The following NRG1 variants were observed in gnomAD, a reference collection of about 807,000 sequenced individuals.
NRG1 encodes the protein neuregulin 1, also known as pro-neuregulin-1, membrane-bound isoform.
NRG1 carries 18 observed loss-of-function variants against 63.8 expected under a neutral mutation model. The ratio of observed to expected loss-of-function variants is 0.28; its 90% CI spans 0.19 to 0.42. NRG1 has a LOEUF of 0.42. Among genes scored for constraint, NRG1 ranks in the 10% least tolerant of loss-of-function variants. The probability of loss-of-function intolerance (pLI) is 1.00; values close to 1 mark genes in which losing one functional copy is unlikely to be tolerated. For missense variants in NRG1, 762 were observed against 814.7 expected, an observed-to-expected ratio of 0.94 and a Z score of 0.79; for synonymous variants, 302 against 301.3, an observed-to-expected ratio of 1.00 and a Z score of -0.02.
chr8:31,668,408 A>C (rs1397837366), intron 1 of NRG1, among the ~76,000 whole-genome samples: 1 of 152,202 alleles, frequency 6.6e-6, no homozygotes, highest in Non-Finnish European at 1.5e-5. Context: ...ATGTTTTTCC[A>C]GGATGGGTAG....
chr8:31,909,384 G>A (rs1832766550), intron 1 of NRG1, among the ~76,000 whole-genome samples: 1 of 152,064 alleles, frequency 6.6e-6, no homozygotes, highest in African/African-American at 2.4e-5. Flanking sequence ...GTAGGCAGCA[G>A]AGGTCTTGAC....
intron 1 of NRG1, among the ~76,000 whole-genome samples, chr8:32,225,211 A>G (rs1238357727): frequency 6.6e-6 from 1 of 152,196 alleles, no homozygotes; most frequent in Admixed American, 6.5e-5. Flanking sequence ...GCTTGGCCAA[A>G]TAGTCCTCTA....
At chr8:32,349,633 C>G (rs745904309) in intron 1 of NRG1, among the ~76,000 whole-genome samples, 4 of 152,172 alleles carry the variant, frequency 2.6e-5, no homozygotes, top group Non-Finnish European at 5.9e-5. Context: ...TCCCATATGA[C>G]AGGATGACTT....
At chr8:31,874,943 G>T (rs1334523998) in intron 1 of NRG1, among the ~76,000 whole-genome samples, 1 of 152,164 alleles carries the variant, frequency 6.6e-6, no homozygotes, top group Admixed American at 6.6e-5. Context: ...TGCCCTTCTA[G>T]ATCAGTATCA....
chr8:31,978,621 A>G (rs1049370897), intron 1 of NRG1, among the ~76,000 whole-genome samples: 1 of 152,140 alleles, frequency 6.6e-6, no homozygotes, highest in Non-Finnish European at 1.5e-5. Context: ...GTGATGTTTA[A>G]TATCCTACAA....
intron 3 of NRG1, among the ~76,000 whole-genome samples, chr8:32,608,094 T>G (rs1308698559): frequency 5.5e-5 from 6 of 109,716 alleles, no homozygotes; most frequent in African/African-American, 3.5e-4. Context: ...TTTTTTTTGT[T>G]TTTTTTTTTT....
At chr8:31,920,387 C>A (rs1417765208) in intron 1 of NRG1, among the ~76,000 whole-genome samples, 1 of 152,122 alleles carries the variant, frequency 6.6e-6, no homozygotes, top group Non-Finnish European at 1.5e-5. Context: ...AATATACTGG[C>A]AGATACTTAG....
intron 1 of NRG1, among the ~76,000 whole-genome samples, chr8:32,336,123 A>G (rs534521395): frequency 6.6e-6 from 1 of 152,348 alleles, no homozygotes; most frequent in East Asian, 1.9e-4. Flanking sequence ...ACTTCACACA[A>G]CAAGCCTATG....
intron 1 of NRG1, among the ~76,000 whole-genome samples, chr8:31,716,420 G>T (rs571406911): frequency 1.3e-5 from 2 of 152,124 alleles, no homozygotes; most frequent in Non-Finnish European, 2.9e-5. Context: ...CTTCAGAAGC[G>T]CATCTTTGTG....
intron 5 of NRG1, among the ~76,000 whole-genome samples, chr8:32,659,371 C>T (rs762999725): frequency 2.6e-5 from 4 of 152,142 alleles, no homozygotes; most frequent in Admixed American, 1.3e-4. Flanking sequence ...TGGCCTTGAA[C>T]TCCTGATCTC....
rs118188842 is a variant in NRG1, at chr8:31,688,624, A to G, written c.37+49193A>G. ...AAAAACCAGTTTGCCGACTATACAC[A>G]TATATACACTATGATTATATTTTTA... is the stretch of plus-strand genomic sequence containing the variant. On this transcript the variant is annotated intron_variant, in intron 1 of 10. Coordinates refer to the NRG1 transcript ENST00000519301. Among the ~76,000 whole-genome samples the G allele has an allele frequency of 9.5e-3, 1,451 of 152,346 alleles. 45 individuals carry two copies. In the South Asian group the frequency reaches 0.12, roughly 12 times the overall value.
intron 1 of NRG1, among the ~76,000 whole-genome samples, chr8:31,670,063 A>C (rs1282569269): frequency 6.6e-6 from 1 of 152,168 alleles, no homozygotes; most frequent in Non-Finnish European, 1.5e-5. Flanking sequence ...TCAGTTGTAG[A>C]CTTAGAGAAA....
At chr8:31,841,236 T>TG (rs1380455135) in intron 1 of NRG1, among the ~76,000 whole-genome samples, 1 of 119,798 alleles carries the variant, frequency 8.3e-6, no homozygotes, top group South Asian at 2.9e-4. Context: ...GAGGTAGGAA[T>TG]GGGGGGTGGG....
intron 11 of NRG1, among the ~76,000 whole-genome samples, chr8:32,761,140 A>G (rs1010393355): frequency 3.9e-5 from 6 of 152,208 alleles, no homozygotes; most frequent in Non-Finnish European, 7.3e-5. Flanking sequence ...GAAAGTAAAC[A>G]AAGAGATATT....
chr8:32,682,918 T>C (rs1055731938), intron 5 of NRG1, among the ~76,000 whole-genome samples: 5 of 152,262 alleles, frequency 3.3e-5, no homozygotes, highest in African/African-American at 1.2e-4. Flanking sequence ...CCAAAAACAA[T>C]GTAGCCTAAT....
At chr8:31,829,023 C>G (rs1398243381) in intron 1 of NRG1, among the ~76,000 whole-genome samples, 1 of 152,158 alleles carries the variant, frequency 6.6e-6, no homozygotes, top group East Asian at 1.9e-4. Context: ...CTTTGAAGAG[C>G]TTGTGTTTCC....
At chr8:32,105,467 A>G (rs1805891463) in intron 1 of NRG1, among the ~76,000 whole-genome samples, 1 of 152,110 alleles carries the variant, frequency 6.6e-6, no homozygotes, top group Non-Finnish European at 1.5e-5. Context: ...CTTACTCACT[A>G]TCACAAGAAT....
chr8:32,295,758 G>T (rs1009847652), intron 1 of NRG1, among the ~76,000 whole-genome samples: 3 of 151,888 alleles, frequency 2.0e-5, no homozygotes, highest in Non-Finnish European at 1.5e-5. Context: ...GACCAGCCTG[G>T]CCAACATGGT....
chr8:32,513,453 G>A (rs745775764), intron 1 of NRG1, among the ~76,000 whole-genome samples: 7 of 150,986 alleles, frequency 4.6e-5, no homozygotes, highest in Non-Finnish European at 1.0e-4. Context: ...TCCTATAGTA[G>A]TTGATTTGTC....
Sources: allele counts gnomAD v4.1 joint callset (sites outside exome capture counted in the v4.1 genomes callset), GRCh38; gene constraint gnomAD v4.1.1; transcripts MANE v1.5; gene names NCBI Gene and HGNC (gene_info 2026-07-23, HGNC 2026-07-21).